Variants in WWOX observed in about 807,000 individuals in gnomAD.
WWOX encodes the protein WW domain-containing oxidoreductase.
A neutral mutation model predicts 46.2 loss-of-function variants in WWOX; 69 were observed. The ratio of observed to expected loss-of-function variants is 1.49; its 90% CI spans 1.23 to 1.82. WWOX has a LOEUF of 1.82. Among genes scored for constraint, WWOX ranks in the 40% most tolerant of loss-of-function variants. WWOX has a pLI of 0.00. For synonymous variants in WWOX, 359 were observed against 202.6 expected (o/e 1.77, Z -6.56); for missense variants, 919 against 542.6 (o/e 1.69, Z -6.89).
At chr16:79,097,221 C>T (rs1567548088) in intron 8 of WWOX, among the ~76,000 whole-genome samples, 1 of 152,070 alleles carries the variant, frequency 6.6e-6, no homozygotes, top group Non-Finnish European at 1.5e-5. Flanking sequence ...CTGCTTTTCT[C>T]AATAATTGCA....
chr16:78,144,493 A>ACC (rs2034124859), intron 4 of WWOX, among the ~76,000 whole-genome samples: 2 of 12,638 alleles, frequency 1.6e-4, no homozygotes, highest in Admixed American at 1.1e-3. Context: ...ATATACACAC[A>ACC]CACACACATA....
At chr16:78,158,478 C>A (rs2034678681) in intron 4 of WWOX, among the ~76,000 whole-genome samples, 1 of 151,992 alleles carries the variant, frequency 6.6e-6, no homozygotes, top group Admixed American at 6.6e-5. Flanking sequence ...CCCTCCCCTC[C>A]CCTCCTCTCC....
intron 8 of WWOX, among the ~76,000 whole-genome samples, chr16:78,811,485 C>T (rs933590403): frequency 5.3e-5 from 8 of 151,414 alleles, no homozygotes; most frequent in Admixed American, 3.3e-4. Context: ...TCCTTTCTCT[C>T]TCCCTCCCTC....
At chr16:79,051,724 G>C (rs1297257894) in intron 8 of WWOX, among the ~76,000 whole-genome samples, 1 of 152,222 alleles carries the variant, frequency 6.6e-6, no homozygotes, top group African/African-American at 2.4e-5. Context: ...CCTCTTGAAA[G>C]AATTTCCTCC....
At chr16:78,675,300 A>G (rs1476481640) in intron 8 of WWOX, among the ~76,000 whole-genome samples, 1 of 152,216 alleles carries the variant, frequency 6.6e-6, no homozygotes, top group Non-Finnish European at 1.5e-5. Context: ...TGTAATTGAG[A>G]CAAGAACCGT....
intron 8 of WWOX, among the ~76,000 whole-genome samples, chr16:78,928,050 C>T (rs183732398): frequency 2.0e-5 from 3 of 152,124 alleles, no homozygotes; most frequent in African/African-American, 4.8e-5. Context: ...AAAAAAATAT[C>T]ATACTCTCAG....
intron 4 of WWOX, among the ~76,000 whole-genome samples, chr16:78,156,417 T>G (rs562316309): frequency 6.6e-6 from 1 of 152,346 alleles, no homozygotes; most frequent in East Asian, 1.9e-4. Flanking sequence ...TAATATTTAT[T>G]CATTATTATA....
intron 8 of WWOX, among the ~76,000 whole-genome samples, chr16:78,912,386 T>C (rs2045134592): frequency 6.6e-6 from 1 of 151,966 alleles, no homozygotes; most frequent in African/African-American, 2.4e-5. Flanking sequence ...ACATGACAAA[T>C]CTGAGGGTCA....
intron 8 of WWOX, among the ~76,000 whole-genome samples, chr16:78,930,334 G>A (rs974471973): frequency 2.1e-5 from 3 of 141,048 alleles, no homozygotes; most frequent in African/African-American, 8.2e-5. Flanking sequence ...CTGGAGTGCA[G>A]TGGCACATTC....
chr16:78,802,915 G>GGAAAAA (rs2050927892), intron 8 of WWOX, among the ~76,000 whole-genome samples: 3 of 10,442 alleles, frequency 2.9e-4, no homozygotes, highest in African/African-American at 9.5e-4. Flanking sequence ...GACTTCATCT[G>GGAAAAA]AAAAAAAAAA....
At chr16:79,112,617 C>T (rs1428128248) in intron 8 of WWOX, among the ~76,000 whole-genome samples, 1 of 152,240 alleles carries the variant, frequency 6.6e-6, no homozygotes, top group Non-Finnish European at 1.5e-5. Context: ...TTTTATTTCT[C>T]ACTCTCCCAC....
intron 8 of WWOX, among the ~76,000 whole-genome samples, chr16:78,436,549 G>A (rs539169420): frequency 6.6e-6 from 1 of 152,222 alleles, no homozygotes; most frequent in Non-Finnish European, 1.5e-5. Context: ...GCGTTTGGTA[G>A]TACTTTTTTA....
chr16:78,579,991 T>G (rs1051874369), intron 8 of WWOX, among the ~76,000 whole-genome samples: 5 of 152,198 alleles, frequency 3.3e-5, no homozygotes, highest in Non-Finnish European at 7.3e-5. Flanking sequence ...TTTAAGGCGC[T>G]TGCTCTTCTT....
chr16:78,272,367 C>G (rs1013727040), intron 5 of WWOX, among the ~76,000 whole-genome samples: 1 of 152,126 alleles, frequency 6.6e-6, no homozygotes, highest in Non-Finnish European at 1.5e-5. Context: ...AGATATAGGG[C>G]CATCAGATTT....
intron 8 of WWOX, among the ~76,000 whole-genome samples, chr16:78,755,199 A>G (rs543644929): frequency 6.6e-6 from 1 of 151,122 alleles, no homozygotes; most frequent in African/African-American, 2.4e-5. Flanking sequence ...CATGTATCCC[A>G]GAACTTAAAG....
chr16:78,118,678 CT>C (rs1196725817), intron 4 of WWOX, among the ~76,000 whole-genome samples: 1 of 152,126 alleles, frequency 6.6e-6, no homozygotes, highest in African/African-American at 2.4e-5. Context: ...AATATTTACT[CT>C]TTGGCCTTTC....
intron 5 of WWOX, among the ~76,000 whole-genome samples, chr16:78,240,871 T>A (rs2037621136): frequency 6.6e-6 from 1 of 152,018 alleles, no homozygotes; most frequent in Admixed American, 6.5e-5. Flanking sequence ...CTCTGGTCAT[T>A]CTCTCCAGAA....
chr16:78,770,070 G>C (rs1394629646), intron 8 of WWOX, among the ~76,000 whole-genome samples: 1 of 151,708 alleles, frequency 6.6e-6, no homozygotes, highest in African/African-American at 2.4e-5. Context: ...AAAAAGAGTA[G>C]GTCGGGCATG....
At chr16:78,638,703 C>T (rs553653887) in intron 8 of WWOX, among the ~76,000 whole-genome samples, 12 of 152,244 alleles carry the variant, frequency 7.9e-5, no homozygotes, top group African/African-American at 2.4e-4. Context: ...AGATTCCAAT[C>T]GAATACATTA....
Sources: allele counts gnomAD v4.1 joint callset (sites outside exome capture counted in the v4.1 genomes callset), GRCh38; gene constraint gnomAD v4.1.1; transcripts MANE v1.5; gene names NCBI Gene and HGNC (gene_info 2026-07-23, HGNC 2026-07-21).